Variants in SELENOF observed in about 807,000 individuals in gnomAD.
SELENOF encodes 15 kDa selenoprotein.
A neutral mutation model predicts 20.5 loss-of-function variants in SELENOF; 16 were observed. The ratio of observed to expected loss-of-function variants is 0.78; its 90% CI spans 0.53 to 1.19. SELENOF has a LOEUF of 1.19. Ranked by LOEUF, SELENOF falls within the 50% of genes most tolerant of loss-of-function variation. The probability of loss-of-function intolerance (pLI) is 0.00; values close to 1 mark genes in which losing one functional copy is unlikely to be tolerated. For missense variants in SELENOF, 215 were observed against 194.2 expected, an observed-to-expected ratio of 1.11 and a Z score of -0.64; for synonymous variants, 78 against 74.5, an observed-to-expected ratio of 1.05 and a Z score of -0.24.
At position 86,899,670 on chromosome 1, in the gene SELENOF, C is replaced by T. The variant is rs1185010199; in HGVS notation, c.252+3611G>A. ...CCCCCCATCTCCCTCCCGGATGGGG[C>T]GGCTGGCCTGGCGGGGGCTGACCCC... On this transcript the variant is annotated intron_variant, in intron 2 of 4. Transcript: ENST00000331835. Among the ~76,000 whole-genome samples, 5 of 151,094 alleles carry T rather than the reference C, an allele frequency of 3.3e-5. No homozygotes were observed. In the East Asian group the frequency reaches 9.9e-4, roughly 30 times the overall value.
chr1:86,887,620 C>A (rs1225368186), intron 2 of SELENOF, among the ~76,000 whole-genome samples: 1 of 152,038 alleles, frequency 6.6e-6, no homozygotes, highest in East Asian at 1.9e-4. Flanking sequence ...CTAGGTTAGA[C>A]CATTCTAACT....
At chr1:86,896,715 G>T (rs567523187) in intron 2 of SELENOF, among the ~76,000 whole-genome samples, 22 of 152,274 alleles carry the variant, frequency 1.4e-4, no homozygotes, top group African/African-American at 5.1e-4. Flanking sequence ...GTAGAAACGG[G>T]AGATCTATAT....
intron 2 of SELENOF, among the ~76,000 whole-genome samples, chr1:86,888,700 A>G (rs1044555670): frequency 3.3e-5 from 5 of 152,230 alleles, no homozygotes; most frequent in Admixed American, 2.0e-4. Context: ...TCTCGCTCCC[A>G]TTGCGCAAGC....
intron 2 of SELENOF, among the ~76,000 whole-genome samples, chr1:86,883,700 T>G (rs1557460741): frequency 6.6e-6 from 1 of 152,164 alleles, no homozygotes; most frequent in Non-Finnish European, 1.5e-5. Flanking sequence ...CTTTATATCA[T>G]GATACATGTG....
chr1:86,884,984 G>C (rs1659176422), intron 2 of SELENOF, among the ~76,000 whole-genome samples: 7 of 152,180 alleles, frequency 4.6e-5, no homozygotes, highest in Admixed American at 4.6e-4. Context: ...CTGGGTGGGG[G>C]AAGTAGAAAT....
chr1:86,901,814 A>G (rs1659712078), intron 2 of SELENOF, among the ~76,000 whole-genome samples: 1 of 152,240 alleles, frequency 6.6e-6, no homozygotes, highest in Non-Finnish European at 1.5e-5. Flanking sequence ...AGTAAGTAAA[A>G]ATAGCTTTTA....
chr1:86,889,349 A>G lies in SELENOF; in HGVS notation c.253-8624T>C, dbSNP rs887791901. ...GGTGGCTCAGGTCTGTAATCCCAGC[A>G]TTTTGGGAGGCGGAGCTGGGTGGAT... On this transcript the variant is annotated intron_variant, in intron 2 of 4. Coordinates refer to ENST00000331835, the MANE Select transcript of SELENOF (RefSeq NM_004261.5). Among the ~76,000 whole-genome samples, 4 of 152,138 alleles carry G rather than the reference A, an allele frequency of 2.6e-5. No homozygotes were observed. In the East Asian group the frequency reaches 7.7e-4, roughly 29 times the overall value.
intron 1 of SELENOF, among the ~76,000 whole-genome samples, chr1:86,911,642 G>T (rs549302581): frequency 1.4e-4 from 22 of 152,208 alleles, no homozygotes; most frequent in Non-Finnish European, 2.8e-4. Context: ...GGAAGCTGTT[G>T]TAATTCTAGG....
chr1:86,878,089 C>T (rs1028834842), intron 3 of SELENOF, among the ~76,000 whole-genome samples: 6 of 151,980 alleles, frequency 3.9e-5, no homozygotes, highest in Admixed American at 3.9e-4. Context: ...TATAGACAGC[C>T]TTCTATATTT....
intron 1 of SELENOF, among the ~76,000 whole-genome samples, chr1:86,907,607 G>C (rs1260503108): frequency 6.6e-6 from 1 of 152,162 alleles, no homozygotes; most frequent in Non-Finnish European, 1.5e-5. Context: ...AGCCACACTT[G>C]TAAGAAAGAC....
At chr1:86,896,162 T>C (rs1659518742) in intron 2 of SELENOF, among the ~76,000 whole-genome samples, 1 of 151,542 alleles carries the variant, frequency 6.6e-6, no homozygotes, top group African/African-American at 2.4e-5. Flanking sequence ...TGCAGGAGAA[T>C]TGCTTGAACC....
At chr1:86,874,148 T>C (rs949215694) in intron 3 of SELENOF, among the ~76,000 whole-genome samples, 1 of 151,930 alleles carries the variant, frequency 6.6e-6, no homozygotes, top group Non-Finnish European at 1.5e-5. Context: ...TTTTTGTATA[T>C]TTAGTAGAGA....
intron 2 of SELENOF, among the ~76,000 whole-genome samples, chr1:86,889,923 A>G (rs1270064139): frequency 6.6e-6 from 1 of 152,186 alleles, no homozygotes; most frequent in Non-Finnish European, 1.5e-5. Flanking sequence ...CCTCTGGAAA[A>G]CGGCAAACTA....
At chr1:86,870,813 G>C (rs1257317044) in intron 3 of SELENOF, among the ~76,000 whole-genome samples, 2 of 152,046 alleles carry the variant, frequency 1.3e-5, no homozygotes, top group African/African-American at 2.4e-5. Context: ...TAGAGACGGG[G>C]TTTCACCGCG....
Position 86,881,694 on chromosome 1 carries a change from C to G in SELENOF, c.253-969G>C, listed in dbSNP as rs573295316. On this transcript the variant is annotated intron_variant, in intron 2 of 4. Transcript: ENST00000331835. The stretch of plus-strand genomic sequence containing the variant: ...TTTATTTAAAATAGTTTGGAAAATA[C>G]AGAAAGGCATAAAGTAGTGATTAAA... Among the ~76,000 whole-genome samples, 185 of 152,264 alleles carry G rather than the reference C, an allele frequency of 1.2e-3. 1 individual carries two copies. Among genetic ancestry groups the G allele is most frequent in the African/African-American group, 4.2e-3 (174 of 41,554 alleles).
chr1:86,911,926 C>A (rs1314855259), intron 1 of SELENOF, among the ~76,000 whole-genome samples: 1 of 151,906 alleles, frequency 6.6e-6, no homozygotes, highest in South Asian at 2.1e-4. Context: ...CATGCGCCAC[C>A]ACGCCCAGCT....
chr1:86,910,433 C>T (rs937514474), intron 1 of SELENOF, among the ~76,000 whole-genome samples: 1 of 148,656 alleles, frequency 6.7e-6, no homozygotes, highest in African/African-American at 2.6e-5. Flanking sequence ...TGGCTGGGCG[C>T]GGTGGCTCAC....
chr1:86,891,643 T>C (rs930151763), intron 2 of SELENOF, among the ~76,000 whole-genome samples: 1 of 152,146 alleles, frequency 6.6e-6, no homozygotes, highest in Non-Finnish European at 1.5e-5. Flanking sequence ...AAAGCAGATA[T>C]AAAAAAATTT....
intron 2 of SELENOF, among the ~76,000 whole-genome samples, chr1:86,891,477 T>C (rs1659382555): frequency 6.6e-6 from 1 of 152,220 alleles, no homozygotes; most frequent in Non-Finnish European, 1.5e-5. Flanking sequence ...GTCTAGGAAA[T>C]GCAGTTGTAA....
Sources: gnomAD v4.1 joint callset for allele counts (sites outside exome capture counted in the v4.1 genomes callset) on GRCh38, gnomAD v4.1.1 for gene constraint, MANE v1.5 for transcripts, NCBI Gene and HGNC (gene_info 2026-07-23, HGNC 2026-07-21) for gene names.